Variants in IL1RAPL1 observed in about 807,000 individuals in gnomAD.
The protein encoded by IL1RAPL1 is interleukin-1 receptor accessory protein-like 1.
IL1RAPL1 carries 3 observed loss-of-function variants against 48.4 expected under a neutral mutation model. The observed-to-expected ratio is 0.06, with a 90% CI of 0.03 to 0.16. The LOEUF is 0.16. Among genes scored for constraint, IL1RAPL1 ranks in the 10% least tolerant of loss-of-function variants. IL1RAPL1 has a pLI of 1.00. For synonymous variants in IL1RAPL1, 185 were observed against 187.7 expected (o/e 0.99, Z 0.12); for missense variants, 349 against 530.6 (o/e 0.66, Z 3.36).
intron 2 of IL1RAPL1, among the ~76,000 whole-genome samples, chrX:28,853,489 G>GCA (rs1921722710): frequency 9.6e-6 from 1 of 104,101 alleles, no homozygotes; most frequent in African/African-American, 3.4e-5. Flanking sequence ...ATGTGTGTGC[G>GCA]CGCGCACACA....
intron 6 of IL1RAPL1, among the ~76,000 whole-genome samples, chrX:29,887,600 T>C (rs1443156334): frequency 1.8e-5 from 2 of 112,316 alleles, no homozygotes; most frequent in East Asian, 5.5e-4. Context: ...GGTGTCACAG[T>C]ATTTTGATTT....
At chrX:28,909,348 G>A (rs1004721217) in intron 2 of IL1RAPL1, among the ~76,000 whole-genome samples, 3 of 111,581 alleles carry the variant, frequency 2.7e-5, no homozygotes, top group Admixed American at 1.9e-4. Flanking sequence ...CTCTGAAAGT[G>A]TCTATTGTGA....
At chrX:29,302,014 G>C (rs1932543062) in intron 3 of IL1RAPL1, among the ~76,000 whole-genome samples, 2 of 111,824 alleles carry the variant, frequency 1.8e-5, no homozygotes, top group African/African-American at 6.5e-5. Context: ...AAAGTGGTGC[G>C]TGGGAAAGAA....
At chrX:29,588,916 T>G (rs1309118082) in intron 5 of IL1RAPL1, among the ~76,000 whole-genome samples, 1 of 112,046 alleles carries the variant, frequency 8.9e-6, no homozygotes, top group Non-Finnish European at 1.9e-5. Context: ...TCTATGTTAT[T>G]TGGAGCAAGC....
At chrX:29,891,977 A>C (rs1005926392) in intron 6 of IL1RAPL1, among the ~76,000 whole-genome samples, 39 of 112,110 alleles carry the variant, frequency 3.5e-4, no homozygotes, top group African/African-American at 1.2e-3. Flanking sequence ...ATCAGGCAAA[A>C]TTATGAACTT....
Position 28,894,994 on chromosome X carries a change from T to C in IL1RAPL1, c.82+105569T>C, listed in dbSNP as rs745465911. On this transcript the variant is annotated intron_variant, in intron 2 of 10. Coordinates refer to ENST00000378993, the MANE Select transcript of IL1RAPL1 (RefSeq NM_014271.4). ...GGCTGTCTGTGAAGCTTTGCGGCAGTACAGCCCAGGTGATTTGCTGAGCCT... is the reference window on the plus strand; with the variant it reads ...GGCTGTCTGTGAAGCTTTGCGGCAGCACAGCCCAGGTGATTTGCTGAGCCT... Among the ~76,000 whole-genome samples, 1,059 of 110,920 alleles carry C rather than the reference T, an allele frequency of 9.5e-3. 12 individuals carry two copies. The highest frequency in any genetic ancestry group is 0.033 in the African/African-American group (993 of 30,436).
chrX:29,084,575 A>G (rs1927911037), intron 2 of IL1RAPL1, among the ~76,000 whole-genome samples: 1 of 112,521 alleles, frequency 8.9e-6, no homozygotes, highest in African/African-American at 3.2e-5. Context: ...TATTAGCTTA[A>G]CAAGCACCCA....
chrX:29,544,039 T>G (rs1358761170), intron 5 of IL1RAPL1, among the ~76,000 whole-genome samples: 1 of 112,143 alleles, frequency 8.9e-6, no homozygotes, highest in Non-Finnish European at 1.9e-5. Context: ...ATTTTGAGTC[T>G]TATAGTTACA....
At chrX:29,196,991 A>G (rs1930456103) in intron 2 of IL1RAPL1, among the ~76,000 whole-genome samples, 1 of 109,901 alleles carries the variant, frequency 9.1e-6, no homozygotes, top group Non-Finnish European at 1.9e-5. Flanking sequence ...CTCAAACCCA[A>G]CTTCATCTTT....
At chrX:28,686,260 G>T (rs770051359) in intron 1 of IL1RAPL1, among the ~76,000 whole-genome samples, 3 of 111,806 alleles carry the variant, frequency 2.7e-5, no homozygotes, top group Admixed American at 1.9e-4. Context: ...ACTTCTGAAG[G>T]TATTTAAAAC....
intron 1 of IL1RAPL1, among the ~76,000 whole-genome samples, chrX:28,759,003 G>A (rs952446611): frequency 4.5e-5 from 5 of 112,172 alleles, no homozygotes; most frequent in South Asian, 3.7e-4. Context: ...TTGGGAGGCC[G>A]AGGAGGGCAG....
chrX:29,533,924 G>A lies in IL1RAPL1; in HGVS notation c.704-134506G>A, dbSNP rs754124271. ...CATTCTGGTGATGGTGGGAAGTGGGGCCTTTGGGAGGGGATTAGGTCTTGG... is the reference window on the plus strand; with the variant it reads ...CATTCTGGTGATGGTGGGAAGTGGGACCTTTGGGAGGGGATTAGGTCTTGG... On this transcript the variant is annotated intron_variant, in intron 5 of 10. Coordinates refer to ENST00000378993, the MANE Select transcript of IL1RAPL1 (RefSeq NM_014271.4). Among the ~76,000 whole-genome samples the A allele has an allele frequency of 7.2e-5, 8 of 111,602 alleles. No homozygotes were observed. In the East Asian group the frequency reaches 2.2e-3, roughly 31 times the overall value.
At chrX:29,774,658 T>C (rs1295253231) in intron 6 of IL1RAPL1, among the ~76,000 whole-genome samples, 3 of 111,835 alleles carry the variant, frequency 2.7e-5, no homozygotes, top group Non-Finnish European at 5.6e-5. Flanking sequence ...AACTTTAAAC[T>C]AGAAATGCAT....
At chrX:28,836,336 T>A (rs866509399) in intron 2 of IL1RAPL1, among the ~76,000 whole-genome samples, 3 of 85,327 alleles carry the variant, frequency 3.5e-5, no homozygotes, top group South Asian at 5.7e-4. Flanking sequence ...CTTCCCAATT[T>A]TATATATATA....
intron 1 of IL1RAPL1, among the ~76,000 whole-genome samples, chrX:28,712,824 T>C (rs1935456111): frequency 9.2e-6 from 1 of 108,733 alleles, no homozygotes; most frequent in South Asian, 3.8e-4. Context: ...TTTGAGGCTA[T>C]TTTTTTTAAA....
chrX:29,129,010 G>GA (rs931317826), intron 2 of IL1RAPL1, among the ~76,000 whole-genome samples: 17 of 103,838 alleles, frequency 1.6e-4, no homozygotes, highest in African/African-American at 6.0e-4. Flanking sequence ...AAAATTTTGA[G>GA]AAAACGTAGT....
At chrX:29,193,070 A>G (rs975049481) in intron 2 of IL1RAPL1, among the ~76,000 whole-genome samples, 1 of 111,035 alleles carries the variant, frequency 9.0e-6, no homozygotes, top group African/African-American at 3.3e-5. Flanking sequence ...AACATTCTTC[A>G]TATAAAATAT....
chrX:29,700,706 AG>A, intron 6 of IL1RAPL1, among the ~76,000 whole-genome samples: 1 of 111,910 alleles, frequency 8.9e-6, no homozygotes, highest in Middle Eastern at 4.6e-3. Flanking sequence ...TTGTAAAGAA[AG>A]AATATGTTGA....
chrX:28,594,671 A>G (rs1933936758), intron 1 of IL1RAPL1, among the ~76,000 whole-genome samples: 1 of 112,030 alleles, frequency 8.9e-6, no homozygotes, highest in Non-Finnish European at 1.9e-5. Flanking sequence ...GTCCTGGCAT[A>G]CAGCATTATT....
Sources: allele counts gnomAD v4.1 joint callset (sites outside exome capture counted in the v4.1 genomes callset), GRCh38; gene constraint gnomAD v4.1.1; transcripts MANE v1.5; gene names NCBI Gene and HGNC (gene_info 2026-07-23, HGNC 2026-07-21).